KLF12: variants seen among roughly 807,000 people sequenced by gnomAD.
KLF12 encodes the protein KLF transcription factor 12.
KLF12 carries 9 observed loss-of-function variants against 37.8 expected under a neutral mutation model. That is an observed-to-expected ratio of 0.24 (90% CI 0.14 to 0.42). The LOEUF (loss-of-function observed/expected upper bound fraction) is 0.42. Ranked by LOEUF, KLF12 falls within the 10% of genes least tolerant of loss-of-function variation. KLF12 has a pLI of 1.00. For missense variants in KLF12, 411 were observed against 516.0 expected, an observed-to-expected ratio of 0.80 and a Z score of 1.97; for synonymous variants, 208 against 202.1, an observed-to-expected ratio of 1.03 and a Z score of -0.25.
intron 4 of KLF12, 77 bp downstream of exon 4, chr13:73,845,750 A>C: frequency 7.7e-7 from 1 of 1,305,256 alleles, no homozygotes; most frequent in Admixed American, 2.0e-5. Context: ...GTTTGTATAC[A>C]ATTTAGGTTT....
chr13:73,746,026 C>T (rs1566337565), intron 6 of KLF12, among the ~76,000 whole-genome samples: 1 of 149,994 alleles, frequency 6.7e-6, no homozygotes, highest in Admixed American at 6.7e-5. Context: ...CATTTCACAA[C>T]GGTGTGGCAC....
chr13:74,047,238 T>C (rs1593855614), intron 1 of KLF12, among the ~76,000 whole-genome samples: 1 of 152,084 alleles, frequency 6.6e-6, no homozygotes, highest in Non-Finnish European at 1.5e-5. Context: ...CTTAGTCACC[T>C]TGATTGATTT....
At chr13:73,983,791 A>G (rs947829719) in intron 2 of KLF12, among the ~76,000 whole-genome samples, 2 of 152,202 alleles carry the variant, frequency 1.3e-5, no homozygotes, top group Non-Finnish European at 2.9e-5. Context: ...AAATCCAGGG[A>G]GCAGAGTGGC....
intron 5 of KLF12, among the ~76,000 whole-genome samples, chr13:73,795,864 A>G (rs1311890713): frequency 2.0e-5 from 3 of 152,208 alleles, no homozygotes; most frequent in African/African-American, 7.2e-5. Flanking sequence ...AACAGATCAG[A>G]TGAAGGAAGG....
chr13:74,073,458 G>A (rs1168852751), intron 1 of KLF12, among the ~76,000 whole-genome samples: 3 of 152,190 alleles, frequency 2.0e-5, no homozygotes, highest in Non-Finnish European at 4.4e-5. Flanking sequence ...TTAAGGAAAT[G>A]CTTTGTTCAG....
At chr13:73,844,551 T>G (rs964764787) in intron 4 of KLF12, 1 of 152,194 alleles carries the variant, frequency 6.6e-6, no homozygotes, top group Non-Finnish European at 1.5e-5. Flanking sequence ...CAGATTTTAG[T>G]TTGATTAAAC....
At chr13:74,294,662 T>C in the KLF12 span, among the ~76,000 whole-genome samples, 1 of 152,158 alleles carries the variant, frequency 6.6e-6, no homozygotes, top group Non-Finnish European at 1.5e-5. Flanking sequence ...CCACTGTGCC[T>C]GGCCTCTTCC....
At chr13:74,211,838 AT>A in the KLF12 span, among the ~76,000 whole-genome samples, 2 of 152,180 alleles carry the variant, frequency 1.3e-5, no homozygotes, top group African/African-American at 2.4e-5. Flanking sequence ...CAATTATAAA[AT>A]TTGGTTATAG....
At chr13:74,166,789 T>A in the KLF12 span, among the ~76,000 whole-genome samples, 222 of 152,348 alleles carry the variant, frequency 1.5e-3, no homozygotes, top group African/African-American at 5.2e-3. Flanking sequence ...TTCATTGGTA[T>A]TCTTCTGCAC....
At chr13:73,720,473 A>G (rs543483842) in intron 6 of KLF12, among the ~76,000 whole-genome samples, 1 of 152,332 alleles carries the variant, frequency 6.6e-6, no homozygotes, top group African/African-American at 2.4e-5. Flanking sequence ...AACACTTGTA[A>G]CTGTGTTCCC....
In KLF12 at chr13:73,695,668, T is replaced by C; in HGVS notation, c.1031A>G (p.Glu344Gly). The C allele has an allele frequency of 6.2e-7, 1 of 1,613,832 alleles. No homozygotes were observed. The highest frequency in any genetic ancestry group is 8.5e-7 in the Non-Finnish European group (1 of 1,179,810). The stretch of plus-strand genomic sequence containing the variant: ...TTCCCAGGTACACTTGTAAGGTTTC[T>C]CTCCTGGAAGAAACAAAGGAACACA... The change falls in exon 8 of 8, where the codon GAG becomes GGG. Residue 344 changes from glutamate to glycine, a missense_variant. By Grantham distance (98) the Glu-to-Gly change is moderately conservative. This residue lies in a region of KLF12 where 60 missense variants were observed against 118.2 expected (regional missense o/e 0.51). Transcript: ENST00000377669.
intron 6 of KLF12, among the ~76,000 whole-genome samples, chr13:73,717,141 G>A (rs562971468): frequency 6.6e-6 from 1 of 152,266 alleles, no homozygotes; most frequent in South Asian, 2.1e-4. Flanking sequence ...ATAAACAAAT[G>A]AATGTCGTTA....
intron 6 of KLF12, among the ~76,000 whole-genome samples, chr13:73,755,412 G>A (rs995259192): frequency 5.7e-4 from 87 of 152,242 alleles, no homozygotes; most frequent in African/African-American, 1.9e-3. Flanking sequence ...GTATTGAACT[G>A]CAGTCCTACC....
chr13:73,720,954 A>T (rs1003084397), intron 6 of KLF12, among the ~76,000 whole-genome samples: 1 of 152,206 alleles, frequency 6.6e-6, no homozygotes, highest in Non-Finnish European at 1.5e-5. Flanking sequence ...CCAGATTTAA[A>T]AACCAGAGCA....
rs1292336168 is a variant in KLF12 at position 73,846,304 on chromosome 13, G to T, written c.193C>A (p.Pro65Thr). The T allele has an allele frequency of 1.9e-6, 3 of 1,613,928 alleles. No homozygotes were observed. Among genetic ancestry groups the T allele is most frequent in the Non-Finnish European group, 2.5e-6 (3 of 1,179,910 alleles). The change falls in exon 4 of 8, where the codon CCC (proline) becomes ACC (threonine). Residue 65 changes from proline to threonine, a missense_variant. Pro to Thr is a conservative substitution (Grantham distance 38). Around this residue, in one of 2 missense-constraint regions of KLF12, gnomAD observed 351 missense variants for 397.8 expected, o/e 0.88. Coordinates refer to ENST00000377669, the MANE Select transcript of KLF12 (RefSeq NM_007249.5). Reference sequence around the variant, plus strand: ...TCTACAGATAACGAGTCCTCCGGGGGCTCCCCTTTCACATTATTTAGCAAC... The same window carrying T: ...TCTACAGATAACGAGTCCTCCGGGGTCTCCCCTTTCACATTATTTAGCAAC...
intron 3 of KLF12, among the ~76,000 whole-genome samples, chr13:73,863,912 T>C (rs2138822828): frequency 6.6e-6 from 1 of 152,286 alleles, no homozygotes; most frequent in South Asian, 2.1e-4. Context: ...ATAAAGACTA[T>C]AAATACTTGT....
At chr13:73,812,870 C>T (rs1594120694) in intron 5 of KLF12, 2 of 270,598 alleles carry the variant, frequency 7.4e-6, no homozygotes, top group Non-Finnish European at 1.4e-5. Flanking sequence ...TCAAAAATAA[C>T]AATTTTTTTT....
intron 1 of KLF12, among the ~76,000 whole-genome samples, chr13:74,070,242 G>A (rs1195102915): frequency 6.6e-6 from 1 of 152,210 alleles, no homozygotes; most frequent in Non-Finnish European, 1.5e-5. Flanking sequence ...ATTAAAGCAG[G>A]AAGTAATCAA....
At position 73,995,060 on chromosome 13, in the gene KLF12, G is replaced by C. The variant is rs775974820; in HGVS notation, c.-31-7C>G. On this transcript the variant is annotated splice_region_variant and splice_polypyrimidine_tract_variant and intron_variant, in intron 1 of 7. Coordinates refer to ENST00000377669, the MANE Select transcript of KLF12 (RefSeq NM_007249.5). ...TCTTAGAGTCACATTGATCCTGCAAGAAAAACACAAAGACAAATGATGAGA... is the reference window on the plus strand; with the variant it reads ...TCTTAGAGTCACATTGATCCTGCAACAAAAACACAAAGACAAATGATGAGA... 1.9e-6 allele frequency: 3 copies of C among 1,583,398 alleles called. No individual in the cohort carries two copies. The highest frequency in any genetic ancestry group is 2.6e-6 in the Non-Finnish European group (3 of 1,161,060).
Sources: allele counts gnomAD v4.1 joint callset (sites outside exome capture counted in the v4.1 genomes callset), GRCh38; gene constraint gnomAD v4.1.1; regional missense constraint gnomAD v4.1.1; transcripts MANE v1.5; gene names NCBI Gene and HGNC (gene_info 2026-07-23, HGNC 2026-07-21).